The following ADCY6 variants were observed in gnomAD, a reference collection of about 807,000 sequenced individuals.
ADCY6 encodes the protein adenylate cyclase type 6.
Under a neutral mutation model 111.6 loss-of-function variants are expected in ADCY6, and 59 were observed. The ratio of observed to expected loss-of-function variants is 0.53; its 90% CI spans 0.43 to 0.66. The LOEUF (loss-of-function observed/expected upper bound fraction) is 0.66. Ranked by LOEUF, ADCY6 falls within the 30% of genes least tolerant of loss-of-function variation. The pLI is 0.00. For synonymous variants in ADCY6, 576 were observed against 642.9 expected (o/e 0.90, Z 1.57); for missense variants, 1,242 against 1,595.6 (o/e 0.78, Z 3.78).
Position 48,776,057 on chromosome 12 carries a change from C to T in ADCY6, c.1712G>A (p.Arg571Gln), listed in dbSNP as rs144929709. Reference protein sequence around the residue: ...EEKAMLAKLQRTRANSMEGLM... With the variant: ...EEKAMLAKLQQTRANSMEGLM... ...CCCTTCCATGGAGTTGGCCCGAGTC[C>T]GCTGCAGCTTGGCCAGCATGGCCTT... The change falls in exon 9 of 22, where the codon CGG (arginine) becomes CAG (glutamine). Residue 571 changes from arginine (R) to glutamine (Q), a missense_variant. Coordinates refer to ENST00000357869, the MANE Select transcript of ADCY6 (RefSeq NM_015270.5). This position sits in a 1 kb window ranked among gnomAD's most constrained non-coding sequence, Gnocchi z 6.1. 131 of 1,613,592 alleles carry T rather than the reference C, an allele frequency of 8.1e-5. No homozygotes were observed. Among genetic ancestry groups the T allele is most frequent in the African/African-American group, 3.5e-4 (26 of 75,026 alleles).
At chr12:48,786,832 C>A (rs1431980637) in intron 1 of ADCY6, among the ~76,000 whole-genome samples, 1 of 152,170 alleles carries the variant, frequency 6.6e-6, no homozygotes, top group Non-Finnish European at 1.5e-5. Context: ...CAAACCTTAG[C>A]GTGATTATTT....
intron 1 of ADCY6, among the ~76,000 whole-genome samples, chr12:48,784,493 C>T (rs1218530433): frequency 6.6e-6 from 1 of 151,868 alleles, no homozygotes; most frequent in Admixed American, 6.6e-5. Flanking sequence ...TGGTCACAAA[C>T]TCAAGTGCCC....
intron 16 of ADCY6, among the ~76,000 whole-genome samples, chr12:48,773,089 G>A (rs1367680580): frequency 1.3e-5 from 2 of 152,136 alleles, no homozygotes; most frequent in African/African-American, 4.8e-5. Context: ...TTTTGCAGAG[G>A]AAAAGCCAGT....
At chr12:48,775,934 C>G in intron 9 of ADCY6, 29 bp downstream of exon 9, 3 of 1,579,490 alleles carry the variant, frequency 1.9e-6, no homozygotes, top group Non-Finnish European at 2.6e-6. Flanking sequence ...GAAAATGAGG[C>G]CCTAGGTCTG....
chr12:48,773,439 G>A (rs17123331), intron 16 of ADCY6, 30 bp downstream of exon 16: 1 of 1,606,890 alleles, frequency 6.2e-7, no homozygotes, highest in South Asian at 1.1e-5. Context: ...GAAGCTCCTG[G>A]GGTATTAAAG....
chr12:48,775,566 C>A, intron 10 of ADCY6, 107 bp downstream of exon 10: 1 of 1,575,156 alleles, frequency 6.3e-7, no homozygotes, highest in Middle Eastern at 1.7e-4. Context: ...GGGGTGGCTC[C>A]TGCTCCCACA....
chr12:48,778,254 C>T lies in ADCY6; in HGVS notation c.868G>A (p.Gly290Ser), dbSNP rs150687056. ...RGDAFLWKQL[G>S]ANVLLFLCTN... ...CAGAGGAACAGCAGCACATTGGCAC[C>T]GAGCTGCAGGAGGTGGCAGAGGCAG... The change falls in exon 3 of 22, where the codon GGT becomes AGT. Residue 290 changes from glycine to serine, a missense_variant. Gly to Ser is a moderately conservative substitution (Grantham distance 56). Transcript: ENST00000357869. 2.5e-5 allele frequency: 41 copies of T among 1,614,066 alleles called. No individual in the cohort carries two copies. Among genetic ancestry groups the T allele is most frequent in the Non-Finnish European group, 3.3e-5 (39 of 1,180,018 alleles).
intron 16 of ADCY6, 120 bp from the exon 17 acceptor site, chr12:48,772,663 C>A: frequency 8.4e-7 from 1 of 1,189,612 alleles, no homozygotes; most frequent in Non-Finnish European, 1.2e-6. Flanking sequence ...GGCATTGGGC[C>A]AGGGCTTTTA....
intron 11 of ADCY6, 71 bp from the exon 12 acceptor site, chr12:48,775,125 C>A: frequency 1.4e-6 from 2 of 1,463,548 alleles, no homozygotes; most frequent in Non-Finnish European, 1.9e-6. Flanking sequence ...GGACAGGGCA[C>A]TACCAGGGGT....
intron 2 of ADCY6, among the ~76,000 whole-genome samples, chr12:48,781,194 C>T (rs1217792241): frequency 6.7e-6 from 1 of 148,524 alleles, no homozygotes; most frequent in African/African-American, 2.5e-5. Flanking sequence ...AGCAAGACTC[C>T]GTCTCAAAAA....
intron 15 of ADCY6, 70 bp from the exon 16 acceptor site, chr12:48,773,717 G>A: frequency 6.3e-7 from 1 of 1,583,390 alleles, no homozygotes; most frequent in Non-Finnish European, 8.7e-7. Context: ...GGAGAGCCCT[G>A]CACTCTCCTG....
intron 2 of ADCY6, among the ~76,000 whole-genome samples, chr12:48,781,075 G>A (rs11168734): frequency 6.6e-6 from 1 of 151,822 alleles, no homozygotes; most frequent in South Asian, 2.1e-4. Context: ...GCGCGCTCCT[G>A]TAGTCCCAGC....
rs754623063 is a variant in ADCY6, at chr12:48,782,738, G to A, written c.697C>T (p.Arg233Cys). The A allele has an allele frequency of 3.7e-6, 6 of 1,603,236 alleles. No individual in the cohort carries two copies. The highest frequency in any genetic ancestry group is 2.2e-5 in the East Asian group (1 of 44,448). ...CACCAGAGGCCCGCAGAGGGGCTGC[G>A]CGGGTCTGCTGCGAGAGCGCCCCCG... ...QVGGALAADP[R>C]SPSAGLWCPV... The change falls in exon 2 of 22, where the codon CGC (arginine) becomes TGC (cysteine). Residue 233 changes from arginine (R) to cysteine (C), a missense_variant. Around this residue, in one of 4 missense-constraint regions of ADCY6, gnomAD observed 362 missense variants for 377.2 expected, o/e 0.96. Transcript: ENST00000357869. The surrounding 1 kb of genome is among the most constrained non-coding windows in gnomAD (Gnocchi z 4.3).
rs759466613 is a variant in ADCY6, at chr12:48,773,518, G to C, written c.2572C>G (p.Pro858Ala). 3 of 1,614,088 alleles carry C rather than the reference G, an allele frequency of 1.9e-6. No individual in the cohort carries two copies. The highest frequency in any genetic ancestry group is 2.2e-5 in the South Asian group (2 of 91,084). ...IYLVLLLLGP[P>A]ATIFDNYDLL... ...TCATAGTTGTCAAAGATGGTGGCTGGGGGACCCAGCAGAAGCAGCACCAAA... is the reference window on the plus strand; with the variant it reads ...TCATAGTTGTCAAAGATGGTGGCTGCGGGACCCAGCAGAAGCAGCACCAAA... The change falls in exon 16 of 22, where the codon CCA (proline) becomes GCA (alanine). Residue 858 changes from proline to alanine, a missense_variant. Transcript: ENST00000357869.
At position 48,771,611 on chromosome 12, in the gene ADCY6, C is replaced by G; in HGVS notation, c.3051+99G>C. The stretch of plus-strand genomic sequence containing the variant: ...TACCCCTGATGACTCTGGGTCCCAT[C>G]AAATCTCTCTCTCTCTTCCCAGTTC... On this transcript the variant is annotated intron_variant, in intron 19 of 21. Coordinates refer to ENST00000357869, the MANE Select transcript of ADCY6 (RefSeq NM_015270.5). This position sits in a 1 kb window ranked among gnomAD's most constrained non-coding sequence, Gnocchi z 4.3. 1 of 1,565,664 alleles carries G rather than the reference C, an allele frequency of 6.4e-7. No individual in the cohort carries two copies. The highest frequency in any genetic ancestry group is 8.7e-7 in the Non-Finnish European group (1 of 1,147,418).
intron 16 of ADCY6, 89 bp downstream of exon 16, chr12:48,773,380 C>G: frequency 2.1e-6 from 3 of 1,451,376 alleles, no homozygotes; most frequent in Non-Finnish European, 1.9e-6. Flanking sequence ...TTCCAAGGCA[C>G]AAGGGGCATG....
In ADCY6 at chr12:48,776,816, G is replaced by C. The variant is rs185611267; in HGVS notation, c.1377-230C>G. 3.3e-5 allele frequency among the ~76,000 whole-genome samples: 5 copies of C among 152,312 alleles called. No individual in the cohort carries two copies. The highest frequency in any genetic ancestry group is 3.3e-4 in the Admixed American group (5 of 15,296). The stretch of plus-strand genomic sequence containing the variant: ...AGCAGCATCTTATGGAACTGAGCTA[G>C]GAGAAGAGGAATCACTGTTATCCCC... On this transcript the variant is annotated intron_variant, in intron 6 of 21. Coordinates refer to ENST00000357869, the MANE Select transcript of ADCY6 (RefSeq NM_015270.5). This position sits in a 1 kb window ranked among gnomAD's most constrained non-coding sequence, Gnocchi z 6.1.
In ADCY6 at chr12:48,783,169, A is replaced by G; in HGVS notation, c.266T>C (p.Leu89Pro). The change falls in exon 2 of 22, where the codon CTG (leucine) becomes CCG (proline). Residue 89 changes from leucine to proline, a missense_variant. Transcript: ENST00000357869. Reference sequence around the variant, plus strand: ...TGTCACCTCGGTATCCTCGAAGCCCAGGGCCACTGCCCGCAGCCCCAGCTC... The same window carrying G: ...TGTCACCTCGGTATCCTCGAAGCCCGGGGCCACTGCCCGCAGCCCCAGCTC... ...GKELGLRAVA[L>P]GFEDTEVTTT... 1 of 1,607,068 alleles carries G rather than the reference A, an allele frequency of 6.2e-7. No individual in the cohort carries two copies.
At chr12:48,774,130 C>A in intron 14 of ADCY6, 32 bp from the exon 15 acceptor site, 1 of 1,585,050 alleles carries the variant, frequency 6.3e-7, no homozygotes, top group East Asian at 2.3e-5. Flanking sequence ...TCAGGGTAAC[C>A]AAGGAGGGAA....
Sources: gnomAD v4.1 joint callset for allele counts (sites outside exome capture counted in the v4.1 genomes callset) on GRCh38, gnomAD v4.1.1 for gene constraint, gnomAD v4.1.1 regional missense constraint, Gnocchi (gnomAD v3.1) non-coding constraint, MANE v1.5 for transcripts, NCBI Gene and HGNC (gene_info 2026-07-23, HGNC 2026-07-21) for gene names.